ADAMTSL1: variants seen among roughly 807,000 people sequenced by gnomAD.
ADAMTSL1 encodes ADAMTS-like protein 1.
In ADAMTSL1, 126 loss-of-function variants were observed where a neutral mutation model predicts 201.8. The observed-to-expected ratio is 0.62, with a 90% CI of 0.54 to 0.72. ADAMTSL1 has a LOEUF of 0.72. ADAMTSL1 is among the 30% of genes least tolerant of loss of function. The pLI, the probability that ADAMTSL1 is intolerant of heterozygous loss-of-function variation, is 0.00. For synonymous variants in ADAMTSL1, 1,121 were observed against 903.4 expected (o/e 1.24, Z -4.32); for missense variants, 2,679 against 2,277.8 (o/e 1.18, Z -3.59).
At chr9:18,260,492 G>T (rs1831875784) in intron 2 of ADAMTSL1, among the ~76,000 whole-genome samples, 1 of 152,190 alleles carries the variant, frequency 6.6e-6, no homozygotes, top group African/African-American at 2.4e-5. Flanking sequence ...TCCATTGTTG[G>T]GCTACCTGGG....
intron 1 of ADAMTSL1, among the ~76,000 whole-genome samples, chr9:18,114,424 G>T (rs1416443955): frequency 6.6e-6 from 1 of 152,136 alleles, no homozygotes; most frequent in Non-Finnish European, 1.5e-5. Flanking sequence ...ACTTTCTGAA[G>T]GCTGTAGGTA....
intron 16 of ADAMTSL1, among the ~76,000 whole-genome samples, chr9:18,762,396 T>C (rs1820124624): frequency 6.6e-6 from 1 of 152,166 alleles, no homozygotes; most frequent in South Asian, 2.1e-4. Flanking sequence ...AGTATATGTA[T>C]TTATGGGGTA....
chr9:17,921,017 C>T (rs1389756258), intron 1 of ADAMTSL1, among the ~76,000 whole-genome samples: 2 of 152,180 alleles, frequency 1.3e-5, no homozygotes, highest in Non-Finnish European at 2.9e-5. Flanking sequence ...CTGTCTCTTT[C>T]AATTTAGGGA....
chr9:18,807,069 T>A (rs1487403971), intron 20 of ADAMTSL1, among the ~76,000 whole-genome samples: 1 of 152,228 alleles, frequency 6.6e-6, no homozygotes, highest in Non-Finnish European at 1.5e-5. Flanking sequence ...CTTGTAATGC[T>A]TCTGTTTCTG....
chr9:18,795,975 G>A (rs1007622032), intron 20 of ADAMTSL1, among the ~76,000 whole-genome samples: 12 of 152,146 alleles, frequency 7.9e-5, no homozygotes, highest in Non-Finnish European at 1.8e-4. Context: ...CTTGAAGCAG[G>A]AGTGTTCCCC....
intron 2 of ADAMTSL1, among the ~76,000 whole-genome samples, chr9:18,417,050 A>T (rs1002863846): frequency 6.6e-6 from 1 of 152,082 alleles, no homozygotes; most frequent in Non-Finnish European, 1.5e-5. Context: ...ATGTAAAAAG[A>T]TCCAACTCAC....
chr9:18,813,933 A>C (rs1034991738), intron 20 of ADAMTSL1, among the ~76,000 whole-genome samples: 1 of 152,220 alleles, frequency 6.6e-6, no homozygotes, highest in African/African-American at 2.4e-5. Context: ...ATTCAGTATT[A>C]TATTAGCTGT....
At chr9:18,648,078 G>A (rs576831647) in intron 7 of ADAMTSL1, among the ~76,000 whole-genome samples, 2,785 of 146,738 alleles carry the variant, frequency 0.019, 122 homozygotes, top group African/African-American at 0.064. Context: ...CTCCTGTATT[G>A]GGTGCATATA....
chr9:18,749,961 T>C (rs187844779), intron 15 of ADAMTSL1, among the ~76,000 whole-genome samples: 7 of 152,262 alleles, frequency 4.6e-5, no homozygotes, highest in Non-Finnish European at 8.8e-5. Context: ...CCAGAAATGG[T>C]GGCAGAGTTT....
Position 18,311,833 on chromosome 9 carries a change from T to G in ADAMTSL1, c.207+147852T>G, listed in dbSNP as rs549891453. Among the ~76,000 whole-genome samples the G allele has an allele frequency of 9.9e-4, 150 of 152,132 alleles. 1 individual carries two copies. The highest frequency in any genetic ancestry group is 3.5e-3 in the African/African-American group (145 of 41,488). On this transcript the variant is annotated intron_variant, in intron 2 of 29. Transcript: ENST00000680146. Reference sequence around the variant, plus strand: ...AACACAGTATTACAAAGGGCTGCAATAAAGATCTCCCTCCTTCTGCCCACA... The same window carrying G: ...AACACAGTATTACAAAGGGCTGCAAGAAAGATCTCCCTCCTTCTGCCCACA...
At chr9:18,736,806 C>A (rs1818522597) in intron 15 of ADAMTSL1, among the ~76,000 whole-genome samples, 2 of 152,188 alleles carry the variant, frequency 1.3e-5, no homozygotes, top group African/African-American at 4.8e-5. Flanking sequence ...AATTATCTTT[C>A]CATTGTCTCT....
intron 2 of ADAMTSL1, among the ~76,000 whole-genome samples, chr9:18,380,206 G>T (rs1203213517): frequency 6.6e-6 from 1 of 151,808 alleles, no homozygotes; most frequent in Admixed American, 6.6e-5. Context: ...ATGTTATATT[G>T]TCACTGTAAG....
At chr9:18,330,098 A>G (rs1005403717) in intron 2 of ADAMTSL1, among the ~76,000 whole-genome samples, 2 of 152,226 alleles carry the variant, frequency 1.3e-5, no homozygotes, top group African/African-American at 4.8e-5. Context: ...TTTTAAATGT[A>G]AAACATAACC....
intron 23 of ADAMTSL1, among the ~76,000 whole-genome samples, chr9:18,858,018 A>G (rs1204262271): frequency 6.7e-6 from 1 of 150,154 alleles, no homozygotes; most frequent in East Asian, 2.0e-4. Flanking sequence ...GTTCATTGCT[A>G]CTGATGTGTC....
At chr9:18,254,564 CAT>C (rs1831603557) in intron 2 of ADAMTSL1, among the ~76,000 whole-genome samples, 1 of 151,614 alleles carries the variant, frequency 6.6e-6, no homozygotes. Context: ...GGGGTTTCAC[CAT>C]GTTAGCCAGG....
chr9:18,572,571 A>AT (rs1195363124), intron 3 of ADAMTSL1, among the ~76,000 whole-genome samples: 1 of 152,172 alleles, frequency 6.6e-6, no homozygotes, highest in Non-Finnish European at 1.5e-5. Flanking sequence ...TGTCTTTGAC[A>AT]TTTTATATTG....
chr9:17,964,568 CTAAA>C (rs1817900851), intron 1 of ADAMTSL1, among the ~76,000 whole-genome samples: 1 of 43,604 alleles, frequency 2.3e-5, no homozygotes, highest in South Asian at 1.3e-3. Flanking sequence ...CTGTGTTTAA[CTAAA>C]TATACACATA....
intron 20 of ADAMTSL1, among the ~76,000 whole-genome samples, chr9:18,816,126 T>C (rs941434032): frequency 6.6e-6 from 1 of 152,226 alleles, no homozygotes; most frequent in African/African-American, 2.4e-5. Context: ...GACCAATCTC[T>C]CGCTATCTTC....
intron 1 of ADAMTSL1, among the ~76,000 whole-genome samples, chr9:18,130,736 C>A (rs183737348): frequency 3.5e-4 from 53 of 152,186 alleles, no homozygotes; most frequent in Admixed American, 5.9e-4. Context: ...ACATAGGGAA[C>A]TTTTTTTCTT....
Sources: allele counts gnomAD v4.1 joint callset (sites outside exome capture counted in the v4.1 genomes callset), GRCh38; gene constraint gnomAD v4.1.1; transcripts MANE v1.5; gene names NCBI Gene and HGNC (gene_info 2026-07-23, HGNC 2026-07-21).